The following PCDH15 variants were observed in gnomAD, a reference collection of about 807,000 sequenced individuals.
The protein encoded by PCDH15 is protocadherin related 15, also known as protocadherin-15.
PCDH15 carries 129 observed loss-of-function variants against 178.5 expected under a neutral mutation model. The ratio of observed to expected loss-of-function variants is 0.72; its 90% confidence interval spans 0.63 to 0.84. The LOEUF is 0.84. PCDH15 is among the 40% of genes least tolerant of loss of function. The pLI, the probability that PCDH15 is intolerant of heterozygous loss-of-function variation, is 0.00. For missense variants in PCDH15, 2,230 were observed against 2,099.9 expected, an observed-to-expected ratio of 1.06 and a Z score of -1.21; for synonymous variants, 800 against 732.0, an observed-to-expected ratio of 1.09 and a Z score of -1.50.
At chr10:55,445,486 A>C in intron 2 of PCDH15, among the ~76,000 whole-genome samples, 1 of 152,240 alleles carries the variant, frequency 6.6e-6, no homozygotes, top group East Asian at 1.9e-4. Flanking sequence ...TAAAAGAAAT[A>C]TTAATAGTAG....
At position 53,831,527 on chromosome 10, in the gene PCDH15, C is replaced by T. The variant is rs2132637405; in HGVS notation, c.3990G>A (p.Leu1330=). Residue 1330 remains leucine, a synonymous_variant, in exon 30 of 38, where the codon TTG becomes TTA. Transcript: ENST00000644397. ...AIDRNELFKF[L]DGKLLDINKD... is the part of the protein sequence containing the mutation. ...TATTGATATCAAGTAGTTTGCCATC[C>T]AAAAATCTTTATTGTTAGATAAATA... 1 of 1,609,896 alleles carries T rather than the reference C, an allele frequency of 6.2e-7. No homozygotes were observed. The highest frequency in any genetic ancestry group is 8.5e-7 in the Non-Finnish European group (1 of 1,176,502).
rs530464140 is a variant in PCDH15 at position 55,045,736 on chromosome 10, A to G, written c.-80+120840T>C. 2.6e-5 allele frequency among the ~76,000 whole-genome samples: 4 copies of G among 152,194 alleles called. No individual in the cohort carries two copies. The South Asian group carries it at 8.3e-4, about 32-fold the overall frequency. ...ATAAAATTAATGCATGTTCTTATAA[A>G]GAACAGCTCATGATAGAGCATTTTC... On this transcript the variant is annotated intron_variant, in intron 2 of 5. Coordinates refer to the PCDH15 transcript ENST00000458638.
chr10:54,455,265 C>T (rs1267822563), intron 3 of PCDH15, among the ~76,000 whole-genome samples: 5 of 151,964 alleles, frequency 3.3e-5, no homozygotes, highest in East Asian at 1.9e-4. Flanking sequence ...GAGAGTGGGG[C>T]GCTGCTGTAA....
chr10:55,245,908 C>G (rs1841667628), intron 1 of PCDH15, among the ~76,000 whole-genome samples: 1 of 152,184 alleles, frequency 6.6e-6, no homozygotes, highest in Admixed American at 6.5e-5. Context: ...CTAAACCAAA[C>G]AGTTCTATGC....
At chr10:54,545,699 A>G (rs892726974) in intron 2 of PCDH15, among the ~76,000 whole-genome samples, 1 of 152,198 alleles carries the variant, frequency 6.6e-6, no homozygotes, top group Admixed American at 6.5e-5. Context: ...AAAGAAGTAT[A>G]TATTGCTGCT....
At chr10:54,890,762 C>T (rs1485269046) in intron 3 of PCDH15, among the ~76,000 whole-genome samples, 1 of 151,942 alleles carries the variant, frequency 6.6e-6, no homozygotes, top group Non-Finnish European at 1.5e-5. Context: ...AGTGGTAGGC[C>T]TGGCACATGT....
chr10:55,123,562 G>A (rs1259408180), intron 2 of PCDH15, among the ~76,000 whole-genome samples: 1 of 152,088 alleles, frequency 6.6e-6, no homozygotes. Context: ...CTTAGAAACT[G>A]AGGCAAAGCT....
chr10:54,533,224 G>T (rs773784819), intron 2 of PCDH15, among the ~76,000 whole-genome samples: 1 of 152,018 alleles, frequency 6.6e-6, no homozygotes, highest in Non-Finnish European at 1.5e-5. Context: ...AAATAAAATT[G>T]GTTTCATTTT....
chr10:54,143,463 C>T (rs906205672), intron 14 of PCDH15, among the ~76,000 whole-genome samples: 11 of 152,092 alleles, frequency 7.2e-5, no homozygotes, highest in African/African-American at 1.9e-4. Flanking sequence ...CTTTGGTGTT[C>T]GTGAAAAGAA....
chr10:54,446,671 G>T (rs1171948734), intron 3 of PCDH15, among the ~76,000 whole-genome samples: 1 of 151,400 alleles, frequency 6.6e-6, no homozygotes, highest in Non-Finnish European at 1.5e-5. Context: ...GCTCTTTAAT[G>T]TATGCATATT....
chr10:53,802,969 A>T lies in PCDH15; in HGVS notation c.*3610T>A, dbSNP rs1220658616. On this transcript the variant is annotated 3_prime_UTR_variant, in exon 38 of 38. Transcript: ENST00000644397. ...TAGACAATGTTCGAATCTTCCATAC[A>T]TGTGCTTAACTGACCATAAATTTAA... 1 of 151,946 alleles carries T rather than the reference A, an allele frequency of 6.6e-6. No individual in the cohort carries two copies. The highest frequency in any genetic ancestry group is 2.4e-5 in the African/African-American group (1 of 41,434). The allele number at this position is 151,946 out of a possible 1,614,324, so 9.4% of individuals were successfully genotyped here.
rs544305959 is a variant in PCDH15, at chr10:53,948,575, C to A, written c.3123-7600G>T. 3.3e-5 allele frequency among the ~76,000 whole-genome samples: 5 copies of A among 152,070 alleles called. No homozygotes were observed. The South Asian group carries it at 1.0e-3, about 32-fold the overall frequency. ...AGTAAATGGCACAGCTATTAAGCACCGGAGGAGTTGGGAAATGAATGACTT... is the reference window on the plus strand; with the variant it reads ...AGTAAATGGCACAGCTATTAAGCACAGGAGGAGTTGGGAAATGAATGACTT... On this transcript the variant is annotated intron_variant, in intron 23 of 37. Transcript: ENST00000644397.
At chr10:55,500,676 G>A (rs551451621) in intron 2 of PCDH15, among the ~76,000 whole-genome samples, 3 of 151,752 alleles carry the variant, frequency 2.0e-5, no homozygotes, top group Non-Finnish European at 2.9e-5. Context: ...TGGAATTATG[G>A]ACAGAAATCT....
At chr10:53,868,517 CAAATG>C (rs1219626320) in intron 26 of PCDH15, among the ~76,000 whole-genome samples, 2 of 151,982 alleles carry the variant, frequency 1.3e-5, no homozygotes, top group African/African-American at 4.8e-5. Flanking sequence ...CCAAATATGA[CAAATG>C]AAAAGTGGTT....
intron 2 of PCDH15, among the ~76,000 whole-genome samples, chr10:55,082,512 C>A: frequency 6.9e-6 from 1 of 143,938 alleles, no homozygotes; most frequent in African/African-American, 2.5e-5. Context: ...ATTAGAAAAG[C>A]AAAACCAAAC....
At chr10:54,052,523 T>G (rs1167804464) in intron 18 of PCDH15, among the ~76,000 whole-genome samples, 1 of 152,232 alleles carries the variant, frequency 6.6e-6, no homozygotes, top group South Asian at 2.1e-4. Context: ...TCATTTAGAA[T>G]GCATGTGTTT....
At chr10:53,810,787 T>C (rs1469271897) in intron 36 of PCDH15, 123 bp from the exon 37 acceptor site, 4 of 873,112 alleles carry the variant, frequency 4.6e-6, no homozygotes, top group Non-Finnish European at 7.6e-6. Flanking sequence ...ACAGCACCTA[T>C]CAGGCTCCTT....
chr10:54,231,535 T>C (rs967815772), intron 9 of PCDH15, among the ~76,000 whole-genome samples: 4 of 152,208 alleles, frequency 2.6e-5, no homozygotes, highest in African/African-American at 9.6e-5. Flanking sequence ...CACTGCCTAT[T>C]GGAGCTGTGA....
chr10:54,864,840 G>C (rs529112441), intron 3 of PCDH15: 59 of 152,272 alleles, frequency 3.9e-4, no homozygotes, highest in African/African-American at 1.4e-3. Flanking sequence ...ATATGCCACG[G>C]TTCTTTTATA....
Sources: allele counts gnomAD v4.1 joint callset (sites outside exome capture counted in the v4.1 genomes callset), GRCh38; gene constraint gnomAD v4.1.1; transcripts MANE v1.5; gene names NCBI Gene and HGNC (gene_info 2026-07-23, HGNC 2026-07-21).